DIAPH2: variants seen among roughly 807,000 people sequenced by gnomAD.
DIAPH2 encodes diaphanous related formin 2, also known as protein diaphanous homolog 2.
A neutral mutation model predicts 92.7 loss-of-function variants in DIAPH2; 35 were observed. That is an observed-to-expected ratio of 0.38 (90% CI 0.29 to 0.50). DIAPH2 has a LOEUF of 0.50. DIAPH2 is among the 20% of genes least tolerant of loss of function. The probability of loss-of-function intolerance (pLI) is 0.94; values close to 1 mark genes in which losing one functional copy is unlikely to be tolerated. For synonymous variants in DIAPH2, 301 were observed against 280.4 expected (o/e 1.07, Z -0.73); for missense variants, 701 against 819.5 (o/e 0.86, Z 1.77).
intron 24 of DIAPH2, among the ~76,000 whole-genome samples, chrX:97,351,494 G>A (rs2069211882): frequency 1.8e-5 from 2 of 112,279 alleles, no homozygotes; most frequent in South Asian, 3.7e-4. Context: ...AACTCTGCCT[G>A]TGTTGGCCAG....
chrX:97,322,957 T>C (rs1260975681), intron 23 of DIAPH2, among the ~76,000 whole-genome samples: 1 of 102,972 alleles, frequency 9.7e-6, no homozygotes, highest in East Asian at 3.1e-4. Flanking sequence ...CCAGGTTTGA[T>C]TGCAATGGCT....
At chrX:96,812,170 A>G (rs1422411779) in intron 4 of DIAPH2, among the ~76,000 whole-genome samples, 2 of 111,462 alleles carry the variant, frequency 1.8e-5, no homozygotes, top group South Asian at 3.8e-4. Flanking sequence ...TTGGTTGGTA[A>G]GCTATTAATT....
chrX:97,064,299 A>T (rs915226300), intron 17 of DIAPH2, among the ~76,000 whole-genome samples: 1 of 111,537 alleles, frequency 9.0e-6, no homozygotes, highest in Non-Finnish European at 1.9e-5. Context: ...AGGTGATCAG[A>T]AACTAATCAG....
chrX:96,861,595 A>G (rs1414537474), intron 4 of DIAPH2, among the ~76,000 whole-genome samples: 2 of 111,566 alleles, frequency 1.8e-5, no homozygotes, highest in Non-Finnish European at 3.8e-5. Flanking sequence ...CCTTTCTTCT[A>G]TTCGCTACAC....
chrX:97,080,226 C>T (rs755094170), intron 19 of DIAPH2, among the ~76,000 whole-genome samples: 126 of 107,876 alleles, frequency 1.2e-3, no homozygotes, highest in Non-Finnish European at 1.9e-3. Context: ...CTTTTCATTC[C>T]CTTCCTCCCT....
At chrX:97,119,225 G>A (rs1471668806) in intron 21 of DIAPH2, among the ~76,000 whole-genome samples, 1 of 111,177 alleles carries the variant, frequency 9.0e-6, no homozygotes, top group Non-Finnish European at 1.9e-5. Flanking sequence ...CTGTTGTTCA[G>A]ATTCTTTTGT....
chrX:97,591,177 T>C (rs1340182150), intron 26 of DIAPH2, among the ~76,000 whole-genome samples: 1 of 112,063 alleles, frequency 8.9e-6, no homozygotes. Flanking sequence ...TGTTTCTTCT[T>C]GTTGAAATCC....
chrX:97,124,939 G>A (rs767833521), intron 21 of DIAPH2, among the ~76,000 whole-genome samples: 1 of 111,301 alleles, frequency 9.0e-6, no homozygotes, highest in East Asian at 2.8e-4. Context: ...TGTATTAGGG[G>A]AAGGACCAAG....
At chrX:97,168,389 TATAGTC>T (rs768585082) in intron 22 of DIAPH2, among the ~76,000 whole-genome samples, 4 of 111,517 alleles carry the variant, frequency 3.6e-5, no homozygotes, top group African/African-American at 1.3e-4. Flanking sequence ...GCCCAGCCTA[TATAGTC>T]ATTTTTATCA....
intron 26 of DIAPH2, among the ~76,000 whole-genome samples, chrX:97,504,446 A>T (rs1383722194): frequency 8.9e-6 from 1 of 112,660 alleles, no homozygotes; most frequent in Non-Finnish European, 1.9e-5. Context: ...TATTATGTAA[A>T]TAGATTATTT....
chrX:97,239,076 G>GA (rs1473699292), intron 22 of DIAPH2, among the ~76,000 whole-genome samples: 3 of 110,997 alleles, frequency 2.7e-5, no homozygotes, highest in African/African-American at 9.8e-5. Context: ...ATTTAATTCA[G>GA]AAAAAAATCC....
chrX:96,770,179 C>A (rs1306828492), intron 4 of DIAPH2, among the ~76,000 whole-genome samples: 2 of 101,762 alleles, frequency 2.0e-5, no homozygotes, highest in Non-Finnish European at 3.9e-5. Flanking sequence ...GCCTGGGTGA[C>A]AGAGCGAGAC....
At chrX:97,146,339 G>A (rs1602373192) in intron 22 of DIAPH2, among the ~76,000 whole-genome samples, 1 of 108,093 alleles carries the variant, frequency 9.3e-6, no homozygotes, top group Non-Finnish European at 1.9e-5. Flanking sequence ...ACAAAAGATT[G>A]TCTTTTTTTT....
At chrX:97,281,663 G>A (rs1008849093) in intron 23 of DIAPH2, among the ~76,000 whole-genome samples, 1 of 108,887 alleles carries the variant, frequency 9.2e-6, no homozygotes, top group Non-Finnish European at 1.9e-5. Context: ...AGAATCGCTT[G>A]AACCCAGGAG....
chrX:97,031,351 AG>A (rs374125801), intron 17 of DIAPH2, among the ~76,000 whole-genome samples: 1,525 of 12,523 alleles, frequency 0.12, 21 homozygotes, highest in African/African-American at 0.27. Flanking sequence ...ATGGGGCGGG[AG>A]GGGGGGGGAC....
chrX:97,254,492 C>CAAAAAAAAA (rs1172020847), intron 23 of DIAPH2, among the ~76,000 whole-genome samples: 1 of 29,056 alleles, frequency 3.4e-5, no homozygotes, highest in African/African-American at 1.1e-4. Context: ...AACTCTGTCT[C>CAAAAAAAAA]AAAAAAAAAA....
At chrX:97,352,720 A>T (rs2069228715) in intron 24 of DIAPH2, among the ~76,000 whole-genome samples, 2 of 106,692 alleles carry the variant, frequency 1.9e-5, no homozygotes, top group African/African-American at 6.7e-5. Flanking sequence ...ATACAAAAAA[A>T]TTAGCCGGGC....
At chrX:96,890,058 A>G (rs1423168864) in intron 5 of DIAPH2, among the ~76,000 whole-genome samples, 2 of 111,650 alleles carry the variant, frequency 1.8e-5, no homozygotes, top group Non-Finnish European at 3.8e-5. Context: ...GGGTGGAAGC[A>G]GGGAGAACAT....
At chrX:96,778,038 C>T (rs1483036219) in intron 4 of DIAPH2, among the ~76,000 whole-genome samples, 1 of 86,886 alleles carries the variant, frequency 1.2e-5, no homozygotes, top group African/African-American at 4.3e-5. Context: ...CCCCCTCCCC[C>T]CACCTCACAA....
Sources: gnomAD v4.1 joint callset for allele counts (sites outside exome capture counted in the v4.1 genomes callset) on GRCh38, gnomAD v4.1.1 for gene constraint, MANE v1.5 for transcripts, NCBI Gene and HGNC (gene_info 2026-07-23, HGNC 2026-07-21) for gene names.